Variants in APBA1 observed in about 807,000 individuals in gnomAD.
APBA1 encodes the protein amyloid beta precursor protein binding family A member 1, also known as amyloid-beta A4 precursor protein-binding family A member 1.
In APBA1, 55 loss-of-function variants were observed where a neutral mutation model predicts 86.6. That is an observed-to-expected ratio of 0.64 (90% CI 0.51 to 0.80). The LOEUF (loss-of-function observed/expected upper bound fraction) is 0.80. Ranked by LOEUF, APBA1 falls within the 30% of genes least tolerant of loss-of-function variation. The probability of loss-of-function intolerance (pLI) is 0.00; values close to 1 mark genes in which losing one functional copy is unlikely to be tolerated. For synonymous variants in APBA1, 511 were observed against 493.9 expected, an observed-to-expected ratio of 1.03 and a Z score of -0.46; for missense variants, 1,090 against 1,183.0, an observed-to-expected ratio of 0.92 and a Z score of 1.15.
intron 2 of APBA1, among the ~76,000 whole-genome samples, chr9:69,499,231 C>T (rs962617258): frequency 6.6e-6 from 1 of 152,068 alleles, no homozygotes; most frequent in African/African-American, 2.4e-5. Context: ...CTTAACAGCA[C>T]AAATGGAGAC....
At chr9:69,624,693 G>T (rs1441160451) in intron 1 of APBA1, among the ~76,000 whole-genome samples, 1 of 152,132 alleles carries the variant, frequency 6.6e-6, no homozygotes, top group African/African-American at 2.4e-5. Flanking sequence ...ATCAGTCTTT[G>T]CAACAAATTT....
At chr9:69,548,836 TC>T (rs1469308890) in intron 1 of APBA1, among the ~76,000 whole-genome samples, 2 of 152,210 alleles carry the variant, frequency 1.3e-5, no homozygotes, top group Admixed American at 6.5e-5. Flanking sequence ...GCCCCTTTGT[TC>T]TTCTCTTTGA....
chr9:69,481,582 G>C (rs1265654101), intron 2 of APBA1, among the ~76,000 whole-genome samples: 1 of 144,994 alleles, frequency 6.9e-6, no homozygotes, highest in Non-Finnish European at 1.5e-5. Flanking sequence ...TCCCCATCAA[G>C]CTACCAATGA....
At chr9:69,639,285 T>C (rs534084226) in intron 1 of APBA1, among the ~76,000 whole-genome samples, 79 of 152,344 alleles carry the variant, frequency 5.2e-4, no homozygotes, top group African/African-American at 1.6e-3. Context: ...AGGATCAATA[T>C]GAACTTGTGA....
At chr9:69,588,426 A>G (rs1822064434) in intron 1 of APBA1, among the ~76,000 whole-genome samples, 1 of 152,080 alleles carries the variant, frequency 6.6e-6, no homozygotes, top group East Asian at 1.9e-4. Context: ...GCAAAGACAA[A>G]ACTTGTTTGT....
chr9:69,606,210 C>T (rs1564090397), intron 1 of APBA1, among the ~76,000 whole-genome samples: 2 of 152,202 alleles, frequency 1.3e-5, no homozygotes, highest in African/African-American at 4.8e-5. Context: ...CAGAGAATTG[C>T]TTTTGATAAC....
chr9:69,623,959 T>A (rs368654329), intron 1 of APBA1, among the ~76,000 whole-genome samples: 5 of 152,238 alleles, frequency 3.3e-5, no homozygotes, highest in African/African-American at 1.2e-4. Flanking sequence ...GGTATAAGTG[T>A]ATTTTTAGAA....
chr9:69,548,341 C>T (rs923390134), intron 1 of APBA1, among the ~76,000 whole-genome samples: 2 of 152,156 alleles, frequency 1.3e-5, no homozygotes, highest in African/African-American at 4.8e-5. Flanking sequence ...CAGAGCCCTG[C>T]CGACGCTTTG....
At chr9:69,503,471 C>G (rs1835908459) in intron 2 of APBA1, among the ~76,000 whole-genome samples, 1 of 152,008 alleles carries the variant, frequency 6.6e-6, no homozygotes, top group African/African-American at 2.4e-5. Flanking sequence ...TTACCTCTTT[C>G]ATGTTACATG....
chr9:69,428,059 G>A lies in APBA1; in HGVS notation c.*3268C>T, dbSNP rs985608047. On this transcript the variant is annotated 3_prime_UTR_variant, in exon 13 of 13. Transcript: ENST00000265381. The stretch of plus-strand genomic sequence containing the variant: ...AGACACATGAAACTCAAACCAACAG[G>A]TGGCCTGTGAATGCGAGTAAACACA... 1 of 152,204 alleles carries A rather than the reference G, an allele frequency of 6.6e-6. No homozygotes were observed. Among genetic ancestry groups the A allele is most frequent in the Admixed American group, 6.5e-5 (1 of 15,282 alleles). The allele number at this position is 152,204 out of a possible 1,614,324, so 9.4% of individuals were successfully genotyped here.
chr9:69,485,187 T>C (rs1246751128), intron 2 of APBA1, among the ~76,000 whole-genome samples: 4 of 151,972 alleles, frequency 2.6e-5, no homozygotes, highest in Non-Finnish European at 5.9e-5. Flanking sequence ...AAGGACACTC[T>C]TGATGCAGAA....
At chr9:69,523,499 A>ATATATATATATATATATATG (rs1836292425) in intron 1 of APBA1, among the ~76,000 whole-genome samples, 1 of 31,138 alleles carries the variant, frequency 3.2e-5, no homozygotes, top group Non-Finnish European at 7.7e-5. Flanking sequence ...ATATATATGT[A>ATATATATATATATATATATG]TATATATATA....
intron 1 of APBA1, among the ~76,000 whole-genome samples, chr9:69,626,995 A>T (rs1434114816): frequency 7.2e-5 from 11 of 152,118 alleles, no homozygotes; most frequent in Non-Finnish European, 1.6e-4. Flanking sequence ...TTGGCTGTCA[A>T]TGCTTAAAAG....
chr9:69,490,233 C>T (rs1356464336), intron 2 of APBA1, among the ~76,000 whole-genome samples: 1 of 151,722 alleles, frequency 6.6e-6, no homozygotes, highest in Non-Finnish European at 1.5e-5. Flanking sequence ...GACAAAAAAC[C>T]AAACACCGCA....
chr9:69,636,919 G>GA (rs1165268991), intron 1 of APBA1, among the ~76,000 whole-genome samples: 101 of 118,164 alleles, frequency 8.5e-4, no homozygotes, highest in African/African-American at 3.1e-3. Context: ...AGGAAGGAAG[G>GA]AAGGAAAGAA....
intron 2 of APBA1, among the ~76,000 whole-genome samples, chr9:69,490,957 A>T (rs77055166): frequency 0.38 from 57,300 of 151,932 alleles, 12,382 homozygotes; most frequent in Non-Finnish European, 0.47. Context: ...AGGAAACAAC[A>T]GGTGCTAGAG....
intron 1 of APBA1, among the ~76,000 whole-genome samples, chr9:69,636,927 GA>G (rs1564098983): frequency 1.6e-4 from 19 of 120,588 alleles, no homozygotes; most frequent in Non-Finnish European, 2.5e-4. Context: ...AGGAAGGAAA[GA>G]AAGAAAGAAA....
chr9:69,461,584 G>A (rs774925813), intron 5 of APBA1: 1 of 152,164 alleles, frequency 6.6e-6, no homozygotes, highest in Non-Finnish European at 1.5e-5. Flanking sequence ...CATGAAACAC[G>A]AGGTTTAAGT....
At chr9:69,601,808 T>A (rs1473423558) in intron 1 of APBA1, among the ~76,000 whole-genome samples, 1 of 152,246 alleles carries the variant, frequency 6.6e-6, no homozygotes, top group African/African-American at 2.4e-5. Flanking sequence ...CTTACTTTTA[T>A]TTCTGACTCA....
Sources: allele counts gnomAD v4.1 joint callset (sites outside exome capture counted in the v4.1 genomes callset), GRCh38; gene constraint gnomAD v4.1.1; transcripts MANE v1.5; gene names NCBI Gene and HGNC (gene_info 2026-07-23, HGNC 2026-07-21).